The following RPL5 variants were observed in gnomAD, a reference collection of about 807,000 sequenced individuals.
The protein encoded by RPL5 is ribosomal protein L5.
A neutral mutation model predicts 38.4 loss-of-function variants in RPL5; 1 was observed. That is an observed-to-expected ratio of 0.03 (90% CI 0.01 to 0.12). The LOEUF (loss-of-function observed/expected upper bound fraction) is 0.12, where lower values mean the gene tolerates loss of function less well. Ranked by LOEUF, RPL5 falls within the 10% of genes least tolerant of loss-of-function variation. The probability of loss-of-function intolerance (pLI) is 1.00; values close to 1 mark genes in which losing one functional copy is unlikely to be tolerated. For synonymous variants in RPL5, 109 were observed against 121.2 expected (o/e 0.90, Z 0.66); for missense variants, 243 against 374.1 (o/e 0.65, Z 2.89).
intron 3 of RPL5, chr1:92,833,921 T>C: frequency 4.3e-6 from 2 of 464,634 alleles, no homozygotes; most frequent in Non-Finnish European, 7.8e-6. Context: ...GCCTGGGCAA[T>C]ATAGTGAGAG....
intron 6 of RPL5, 28 bp downstream of exon 6, chr1:92,837,661 A>G (rs1006388613): frequency 3.8e-6 from 6 of 1,588,546 alleles, no homozygotes; most frequent in African/African-American, 1.3e-5. Context: ...AAATGCCTAT[A>G]TTGGTTAATT....
intron 2 of RPL5, 31 bp downstream of exon 2, chr1:92,833,489 A>T: frequency 6.2e-7 from 1 of 1,611,852 alleles, no homozygotes; most frequent in Non-Finnish European, 8.5e-7. Context: ...TTACAATATT[A>T]ATCTGCTTTG....
intron 1 of RPL5, 98 bp from the exon 2 acceptor site, chr1:92,833,291 C>T (rs1341168812): frequency 4.0e-6 from 4 of 992,820 alleles, no homozygotes; most frequent in Non-Finnish European, 6.3e-6. Context: ...TCTGTTTACT[C>T]TTGAAGTTCA....
Position 92,832,055 on chromosome 1 carries a change from T to A in RPL5, c.-60T>A. On this transcript the variant is annotated 5_prime_UTR_variant, in exon 1 of 8. Coordinates refer to ENST00000370321, the MANE Select transcript of RPL5 (RefSeq NM_000969.5). The stretch of plus-strand genomic sequence containing the variant: ...GGGCTGTGGCCCTTTTCCCACCCCC[T>A]AGCGCCGCTGGGCCTGCAGGTCTCT... The A allele has an allele frequency of 1.2e-6, 2 of 1,611,224 alleles. No individual in the cohort carries two copies. Among genetic ancestry groups the A allele is most frequent in the Middle Eastern group, 1.7e-4 (1 of 6,060 alleles).
chr1:92,833,236 G>T, intron 1 of RPL5, 153 bp from the exon 2 acceptor site: 1 of 675,102 alleles, frequency 1.5e-6, no homozygotes, highest in South Asian at 1.7e-5. Flanking sequence ...AAAGATTCTT[G>T]ACCCTAGTTG....
intron 3 of RPL5, among the ~76,000 whole-genome samples, chr1:92,834,517 G>A (rs775758912): frequency 3.3e-5 from 5 of 152,192 alleles, no homozygotes; most frequent in South Asian, 2.1e-4. Flanking sequence ...CCGTACCCAA[G>A]TTCAGATAAC....
chr1:92,833,203 C>T (rs1023161369), intron 1 of RPL5, 186 bp from the exon 2 acceptor site: 1 of 651,834 alleles, frequency 1.5e-6, no homozygotes, highest in Non-Finnish European at 2.8e-6. Context: ...AACTACTAGT[C>T]TGTGACATGG....
intron 1 of RPL5, chr1:92,832,717 C>T (rs1386509195): frequency 2.4e-6 from 1 of 409,802 alleles, no homozygotes; most frequent in Admixed American, 4.1e-5. Context: ...CCTCTAGAGT[C>T]CGTCGCCGGA....
intron 5 of RPL5, 139 bp downstream of exon 5, chr1:92,836,531 C>T: frequency 1.3e-6 from 1 of 756,312 alleles, no homozygotes; most frequent in South Asian, 1.5e-5. Context: ...GCAGGAGGAA[C>T]CTAGTAGGGC....
chr1:92,836,848 T>G (rs1167015217), intron 5 of RPL5: 2 of 206,190 alleles, frequency 9.7e-6, no homozygotes, highest in South Asian at 7.6e-5. Context: ...TAGGCCATTT[T>G]GGGAAGTTAA....
At chr1:92,833,334 A>C in intron 1 of RPL5, 55 bp from the exon 2 acceptor site, 1 of 1,390,552 alleles carries the variant, frequency 7.2e-7, no homozygotes, top group Non-Finnish European at 1.0e-6. Flanking sequence ...AATTTATGTC[A>C]AAAGTATCAT....
chr1:92,832,030 G>C (rs954912810), upstream of RPL5: 3 of 1,597,368 alleles, frequency 1.9e-6, no homozygotes, highest in East Asian at 4.5e-5. Context: ...GCCTGCGCAA[G>C]GGCTGTGGCC....
rs765100925 is a variant in RPL5 at position 92,834,704 on chromosome 1, C to G, written c.190-75C>G. Reference sequence around the variant, plus strand: ...CTGTGTCCATCAATGTTTTTTTATTCCCTTGAAAAATAATTAAGATGTAGT... The same window carrying G: ...CTGTGTCCATCAATGTTTTTTTATTGCCTTGAAAAATAATTAAGATGTAGT... On this transcript the variant is annotated intron_variant, in intron 3 of 7. Coordinates refer to ENST00000370321, the MANE Select transcript of RPL5 (RefSeq NM_000969.5). 3.6e-5 allele frequency: 57 copies of G among 1,581,764 alleles called. No individual in the cohort carries two copies. The East Asian group carries it at 1.2e-3, about 32-fold the overall frequency.
At chr1:92,839,272 T>C (rs1007192391) in intron 6 of RPL5, among the ~76,000 whole-genome samples, 1 of 152,144 alleles carries the variant, frequency 6.6e-6, no homozygotes, top group Non-Finnish European at 1.5e-5. Context: ...GGCAGAAGAA[T>C]TGCTTGAACC....
intron 4 of RPL5, chr1:92,835,198 C>T (rs1190608160): frequency 8.2e-6 from 4 of 485,864 alleles, no homozygotes; most frequent in Non-Finnish European, 1.5e-5. Flanking sequence ...CCACTTGTAG[C>T]TAGTGTCTAC....
intron 6 of RPL5, 102 bp downstream of exon 6, chr1:92,837,735 GACA>G (rs1324506280): frequency 1.1e-6 from 1 of 903,484 alleles, no homozygotes; most frequent in African/African-American, 1.7e-5. Context: ...TGTGTTTCTT[GACA>G]ACATGAGCTA....
intron 5 of RPL5, 130 bp downstream of exon 5, chr1:92,836,522 C>A (rs933417392): frequency 3.8e-6 from 3 of 796,074 alleles, no homozygotes; most frequent in African/African-American, 3.4e-5. Context: ...AGGTACCATG[C>A]AGGAGGAACC....
intron 1 of RPL5, 77 bp from the exon 2 acceptor site, chr1:92,833,312 T>C (rs1686985964): frequency 2.5e-6 from 3 of 1,205,090 alleles, no homozygotes; most frequent in Non-Finnish European, 3.7e-6. Context: ...AGTGTTACTT[T>C]GTTACATGGT....
chr1:92,836,527 G>T (rs1687135741), intron 5 of RPL5, 135 bp downstream of exon 5: 1 of 785,294 alleles, frequency 1.3e-6, no homozygotes, highest in East Asian at 2.6e-5. Context: ...CCATGCAGGA[G>T]GAACCTAGTA....
Sources: allele counts gnomAD v4.1 joint callset (sites outside exome capture counted in the v4.1 genomes callset), GRCh38; gene constraint gnomAD v4.1.1; transcripts MANE v1.5; gene names NCBI Gene and HGNC (gene_info 2026-07-23, HGNC 2026-07-21).